NCALD: variants seen among roughly 807,000 people sequenced by gnomAD.
NCALD encodes neurocalcin-delta.
A neutral mutation model predicts 18.6 loss-of-function variants in NCALD; 10 were observed. That is an observed-to-expected ratio of 0.54 (90% CI 0.33 to 0.91). NCALD has a LOEUF of 0.91. Among genes scored for constraint, NCALD ranks in the 40% least tolerant of loss-of-function variants. The probability of loss-of-function intolerance (pLI) is 0.03; values close to 1 mark genes in which losing one functional copy is unlikely to be tolerated. For missense variants in NCALD, 184 were observed against 247.6 expected, an observed-to-expected ratio of 0.74 and a Z score of 1.72; for synonymous variants, 88 against 87.4, an observed-to-expected ratio of 1.01 and a Z score of -0.04.
At chr8:101,794,003 A>G (rs1001381009), upstream of NCALD, among the ~76,000 whole-genome samples, 4 of 152,156 alleles carry the variant, frequency 2.6e-5, no homozygotes, top group Non-Finnish European at 1.5e-5. Flanking sequence ...GCAGGCCTGG[A>G]CCTACTGTTT....
intron 4 of NCALD, among the ~76,000 whole-genome samples, chr8:101,814,791 T>C (rs1478214810): frequency 6.6e-6 from 1 of 152,092 alleles, no homozygotes; most frequent in African/African-American, 2.4e-5. Flanking sequence ...CTTTTTTATA[T>C]ACCACCAATG....
chr8:102,071,940 C>G (rs764704817), intron 1 of NCALD, among the ~76,000 whole-genome samples: 6 of 152,090 alleles, frequency 3.9e-5, no homozygotes, highest in Non-Finnish European at 8.8e-5. Context: ...AAAACCCCAG[C>G]AGGTATTGTT....
intron 1 of NCALD, among the ~76,000 whole-genome samples, chr8:101,740,210 G>A (rs1163656388): frequency 1.3e-5 from 2 of 152,190 alleles, no homozygotes; most frequent in Non-Finnish European, 2.9e-5. Flanking sequence ...AACACTCACT[G>A]TTACCACTAA....
chr8:101,830,203 G>A (rs75810719), intron 4 of NCALD, among the ~76,000 whole-genome samples: 1,660 of 152,156 alleles, frequency 0.011, 33 homozygotes, highest in African/African-American at 0.037. Flanking sequence ...AGATACAATT[G>A]ATACTTGGGT....
At chr8:102,003,126 C>A (rs1361205324) in intron 2 of NCALD, among the ~76,000 whole-genome samples, 1 of 151,848 alleles carries the variant, frequency 6.6e-6, no homozygotes, top group Non-Finnish European at 1.5e-5. Flanking sequence ...AATTGATAGA[C>A]CACTAGCAAG....
chr8:101,992,275 T>C (rs1821076960), intron 2 of NCALD, among the ~76,000 whole-genome samples: 1 of 152,196 alleles, frequency 6.6e-6, no homozygotes, highest in Non-Finnish European at 1.5e-5. Flanking sequence ...CCTAATCACA[T>C]ATAGTTGAAC....
chr8:102,059,748 T>C (rs1341127489), intron 1 of NCALD, among the ~76,000 whole-genome samples: 1 of 152,206 alleles, frequency 6.6e-6, no homozygotes, highest in Non-Finnish European at 1.5e-5. Flanking sequence ...TTCTTTTCTT[T>C]GGTGAGCCCT....
intron 1 of NCALD, among the ~76,000 whole-genome samples, chr8:102,036,582 T>C (rs7817714): frequency 0.21 from 32,058 of 151,786 alleles, 3,539 homozygotes; most frequent in African/African-American, 0.26. Context: ...TGAGACCAGC[T>C]TGGCTAACAT....
chr8:101,966,005 T>C (rs1284122625), intron 2 of NCALD, among the ~76,000 whole-genome samples: 1 of 152,108 alleles, frequency 6.6e-6, no homozygotes, highest in Non-Finnish European at 1.5e-5. Flanking sequence ...AACATAAATG[T>C]TTTAGGAACA....
intron 4 of NCALD, among the ~76,000 whole-genome samples, chr8:101,830,760 A>G (rs1435438999): frequency 8.8e-6 from 1 of 113,588 alleles, no homozygotes; most frequent in African/African-American, 3.3e-5. Flanking sequence ...TTTTTTTTTT[A>G]GACGGAGTCT....
At chr8:101,991,676 C>A (rs1370759547) in intron 2 of NCALD, among the ~76,000 whole-genome samples, 1 of 152,102 alleles carries the variant, frequency 6.6e-6, no homozygotes, top group Non-Finnish European at 1.5e-5. Context: ...CAATACAGCT[C>A]AGCGAACCAT....
At chr8:101,737,318 T>C (rs1274288477) in intron 1 of NCALD, among the ~76,000 whole-genome samples, 1 of 152,202 alleles carries the variant, frequency 6.6e-6, no homozygotes, top group Admixed American at 6.5e-5. Context: ...TCATTTCCTG[T>C]CACTGCTACC....
rs139533652 is a variant in NCALD at position 102,055,102 on chromosome 8, A to C, written c.-209-34813T>G. Among the ~76,000 whole-genome samples, 3 of 152,282 alleles carry C rather than the reference A, an allele frequency of 2.0e-5. No homozygotes were observed. The East Asian group carries it at 5.8e-4, about 29-fold the overall frequency. On this transcript the variant is annotated intron_variant, in intron 1 of 6. Transcript: ENST00000311028. ...CCTGGCCTCAGAAGAGCAACCCGGA[A>C]GGACTACAGAGCCAAACCCACTGGG...
chr8:101,978,646 G>A (rs1820510941), intron 2 of NCALD, among the ~76,000 whole-genome samples: 1 of 109,706 alleles, frequency 9.1e-6, no homozygotes, highest in African/African-American at 5.2e-5. Context: ...ATGTGTGCAG[G>A]TGGTGGTGGT....
intron 2 of NCALD, among the ~76,000 whole-genome samples, chr8:102,010,206 A>C (rs1235541290): frequency 1.3e-5 from 2 of 152,242 alleles, no homozygotes; most frequent in African/African-American, 4.8e-5. Flanking sequence ...GCCTCTTTGC[A>C]CACAGCCCTT....
chr8:102,018,563 T>C (rs1195513939), intron 2 of NCALD, among the ~76,000 whole-genome samples: 1 of 152,174 alleles, frequency 6.6e-6, no homozygotes, highest in Non-Finnish European at 1.5e-5. Context: ...CACATCCAGA[T>C]TGTGGTTGTC....
At chr8:101,718,374 AATTCATACCTTCTGCAT>A (rs1816186451) in intron 2 of NCALD, among the ~76,000 whole-genome samples, 1 of 152,180 alleles carries the variant, frequency 6.6e-6, no homozygotes, top group Non-Finnish European at 1.5e-5. Context: ...GGTGGGGGTC[AATTCATACCTTCTGCAT>A]ATTCTCTGCA....
intron 3 of NCALD, chr8:101,692,418 C>T (rs1330138188): frequency 1.0e-6 from 1 of 985,274 alleles, no homozygotes; most frequent in East Asian, 1.1e-4. Flanking sequence ...AGAATAACAA[C>T]CCTCTCCCCA....
chr8:101,782,725 C>G lies in NCALD; in HGVS notation c.-20+8137G>C, dbSNP rs1563764520. On this transcript the variant is annotated intron_variant, in intron 1 of 3. Transcript: ENST00000220931. ...TGCCAGACGCTCTCTATCCTTTAGG[C>G]CCAACTCAAAGCTCACTTCCTCTCC... Among the ~76,000 whole-genome samples, 3 of 152,182 alleles carry G rather than the reference C, an allele frequency of 2.0e-5. No individual in the cohort carries two copies. In the South Asian group the frequency reaches 6.2e-4, roughly 32 times the overall value.
Sources: allele counts gnomAD v4.1 joint callset (sites outside exome capture counted in the v4.1 genomes callset), GRCh38; gene constraint gnomAD v4.1.1; transcripts MANE v1.5; gene names NCBI Gene and HGNC (gene_info 2026-07-23, HGNC 2026-07-21).